SLC2A13: variants seen among roughly 807,000 people sequenced by gnomAD.
SLC2A13 encodes solute carrier family 2 member 13.
A neutral mutation model predicts 64.4 loss-of-function variants in SLC2A13; 32 were observed. The observed-to-expected ratio is 0.50, with a 90% CI of 0.37 to 0.67. The LOEUF is 0.67. Among genes scored for constraint, SLC2A13 ranks in the 30% least tolerant of loss-of-function variants. The pLI, the probability that SLC2A13 is intolerant of heterozygous loss-of-function variation, is 0.00. For synonymous variants in SLC2A13, 338 were observed against 327.1 expected (o/e 1.03, Z -0.36); for missense variants, 743 against 829.2 (o/e 0.90, Z 1.28).
chr12:39,996,218 C>T (rs1947227110), intron 3 of SLC2A13, among the ~76,000 whole-genome samples: 1 of 152,034 alleles, frequency 6.6e-6, no homozygotes, highest in South Asian at 2.1e-4. Flanking sequence ...CAGCATTTTG[C>T]CCCTGCCCTA....
At position 40,105,301 on chromosome 12, in the gene SLC2A13, T is replaced by G; in HGVS notation, c.508A>C (p.Asn170His). ...CGGCCGGCGAGCAGTGTCTCCTTGT[T>G]GTTGGCCGCAGCCAGCACCGCGGAG... ...AGSAVLAAAN[N>H]KETLLAGRLV... Residue 170 changes from asparagine (N) to histidine (H), a missense_variant, in exon 1 of 10, where the codon AAC becomes CAC. Asn to His is a moderately conservative substitution (Grantham distance 68, BLOSUM62 1). Coordinates refer to ENST00000280871, the MANE Select transcript of SLC2A13 (RefSeq NM_052885.4). This position sits in a 1 kb window ranked among gnomAD's most constrained non-coding sequence, Gnocchi z 4.2. 1 of 1,602,456 alleles carries G rather than the reference T, an allele frequency of 6.2e-7. No individual in the cohort carries two copies. Among genetic ancestry groups the G allele is most frequent in the Non-Finnish European group, 8.5e-7 (1 of 1,176,250 alleles).
In SLC2A13 at chr12:39,871,918, C is replaced by A; in HGVS notation, c.1078G>T (p.Asp360Tyr). The change falls in exon 5 of 10, where the codon GAT (aspartate) becomes TAT (tyrosine). Residue 360 changes from aspartate to tyrosine, a missense_variant. By Grantham distance (160) the Asp-to-Tyr change is radical. Transcript: ENST00000280871. ...GAAGCCAGCCATATTGCAAGTCTAT[C>A]ATCTTCAACACCAGACATCTGCAGA... ...TILQMSGVEDDRLAIWLASVT... is the reference protein window; with the variant it reads ...TILQMSGVEDYRLAIWLASVT... 6.2e-7 allele frequency: 1 copy of A among 1,610,150 alleles called. No homozygotes were observed. Among genetic ancestry groups the A allele is most frequent in the Non-Finnish European group, 8.5e-7 (1 of 1,178,402 alleles).
At chr12:40,058,739 G>A (rs1208523368) in intron 1 of SLC2A13, among the ~76,000 whole-genome samples, 2 of 152,094 alleles carry the variant, frequency 1.3e-5, no homozygotes, top group African/African-American at 4.8e-5. Context: ...TTTTCCTGTA[G>A]GGCTGAAAAA....
At chr12:39,829,895 A>T (rs1942805078) in intron 7 of SLC2A13, 1 of 617,954 alleles carries the variant, frequency 1.6e-6, no homozygotes, top group Non-Finnish European at 2.7e-6. Flanking sequence ...TGGGTCTCCA[A>T]AAGTCTAGGC....
At chr12:39,769,372 C>G (rs1178021421) in intron 7 of SLC2A13, among the ~76,000 whole-genome samples, 2 of 151,970 alleles carry the variant, frequency 1.3e-5, no homozygotes, top group African/African-American at 2.4e-5. Flanking sequence ...TTTGGAGATG[C>G]TTTGTAGGAC....
chr12:39,960,215 C>CT (rs1946385098), intron 3 of SLC2A13, among the ~76,000 whole-genome samples: 1 of 152,056 alleles, frequency 6.6e-6, no homozygotes, highest in Non-Finnish European at 1.5e-5. Context: ...TCATTGGTAT[C>CT]TTTTTTAACA....
chr12:39,812,320 C>T (rs1465091353), intron 7 of SLC2A13, among the ~76,000 whole-genome samples: 2 of 144,518 alleles, frequency 1.4e-5, no homozygotes, highest in African/African-American at 5.6e-5. Flanking sequence ...AATATCCTCA[C>T]ATTGGGACTA....
At chr12:39,910,216 G>A (rs574105619) in intron 4 of SLC2A13, among the ~76,000 whole-genome samples, 1 of 152,148 alleles carries the variant, frequency 6.6e-6, no homozygotes, top group Admixed American at 6.5e-5. Context: ...TATTTATTAT[G>A]ACATGCATGT....
At chr12:39,961,234 C>T (rs184936587) in intron 3 of SLC2A13, among the ~76,000 whole-genome samples, 17 of 152,050 alleles carry the variant, frequency 1.1e-4, no homozygotes, top group Admixed American at 7.9e-4. Flanking sequence ...CACGCCACCA[C>T]GCCCAGCTTA....
In SLC2A13 at chr12:40,068,453, G is replaced by T; in HGVS notation, c.557-20243C>A. 1.6e-5 allele frequency: 4 copies of T among 242,924 alleles called. No homozygotes were observed. The South Asian group carries it at 1.9e-4, about 12-fold the overall frequency. 15.0% of individuals were successfully genotyped at this position (242,924 alleles called of 1,614,324 possible). A position where few individuals can be genotyped will look rare whatever the true frequency, so the allele number is the denominator to read the frequency against. ...AAGCTGGGCACTTGTTAGTGAGGAT[G>T]ACCAATTTTGCTTTTTCTTATCTAA... On this transcript the variant is annotated intron_variant, in intron 1 of 9. Coordinates refer to ENST00000280871, the MANE Select transcript of SLC2A13 (RefSeq NM_052885.4).
chr12:40,035,348 C>A (rs943048479), intron 2 of SLC2A13, among the ~76,000 whole-genome samples: 1 of 152,134 alleles, frequency 6.6e-6, no homozygotes, highest in Admixed American at 6.5e-5. Context: ...TAGCCAGTTG[C>A]TAGAGTTATG....
At chr12:39,993,785 G>T (rs1947178721) in intron 3 of SLC2A13, among the ~76,000 whole-genome samples, 1 of 152,152 alleles carries the variant, frequency 6.6e-6, no homozygotes, top group Non-Finnish European at 1.5e-5. Context: ...GCATTCATCT[G>T]TAGAAAAGGG....
chr12:39,883,952 G>C (rs1179475355), intron 4 of SLC2A13, among the ~76,000 whole-genome samples: 7 of 152,088 alleles, frequency 4.6e-5, no homozygotes, highest in African/African-American at 1.7e-4. Context: ...CGTTTAGACA[G>C]ACTATCTCCT....
intron 7 of SLC2A13, among the ~76,000 whole-genome samples, chr12:39,811,398 G>C (rs1422624504): frequency 1.3e-5 from 2 of 151,762 alleles, no homozygotes; most frequent in African/African-American, 4.8e-5. Context: ...GTAAGCTTAG[G>C]TAATTGATTT....
chr12:39,914,946 C>T (rs889868788), intron 4 of SLC2A13, among the ~76,000 whole-genome samples: 1 of 151,868 alleles, frequency 6.6e-6, no homozygotes, highest in Non-Finnish European at 1.5e-5. Flanking sequence ...TTGTTGACTA[C>T]ATCAACAAAG....
At chr12:39,973,611 CTT>C (rs903665790) in intron 3 of SLC2A13, among the ~76,000 whole-genome samples, 2 of 152,204 alleles carry the variant, frequency 1.3e-5, no homozygotes, top group African/African-American at 4.8e-5. Context: ...AGACAATACT[CTT>C]GATTCCTCGG....
chr12:39,923,694 G>GCACACACACA (rs200530373), intron 4 of SLC2A13, among the ~76,000 whole-genome samples: 4,558 of 137,236 alleles, frequency 0.033, 138 homozygotes, highest in African/African-American at 0.051. Context: ...ATATGCGCAC[G>GCACACACACA]CGCACACACA....
At chr12:39,860,927 C>T (rs1943742811) in intron 6 of SLC2A13, among the ~76,000 whole-genome samples, 1 of 152,186 alleles carries the variant, frequency 6.6e-6, no homozygotes, top group Admixed American at 6.5e-5. Context: ...AGGCACACCC[C>T]TGCTTAAAAT....
intron 4 of SLC2A13, among the ~76,000 whole-genome samples, chr12:39,881,679 C>T (rs904391647): frequency 5.3e-5 from 8 of 152,132 alleles, no homozygotes; most frequent in South Asian, 2.1e-4. Flanking sequence ...TAAGTCTAGA[C>T]GTGAGGCATA....
Sources: allele counts gnomAD v4.1 joint callset (sites outside exome capture counted in the v4.1 genomes callset), GRCh38; gene constraint gnomAD v4.1.1; non-coding constraint Gnocchi (gnomAD v3.1); transcripts MANE v1.5; gene names NCBI Gene and HGNC (gene_info 2026-07-23, HGNC 2026-07-21).